SBK1: variants seen among roughly 807,000 people sequenced by gnomAD.
The protein encoded by SBK1 is serine/threonine-protein kinase SBK1.
Under a neutral mutation model 24.4 loss-of-function variants are expected in SBK1, and 11 were observed. That is an observed-to-expected ratio of 0.45 (90% CI 0.28 to 0.75). The LOEUF is 0.75. Among genes scored for constraint, SBK1 ranks in the 30% least tolerant of loss-of-function variants. SBK1 has a pLI of 0.12. For missense variants in SBK1, 467 were observed against 620.5 expected (o/e 0.75, Z 2.63); for synonymous variants, 308 against 284.4 (o/e 1.08, Z -0.83).
Position 28,292,598 on chromosome 16 carries a change from G to C in SBK1, c.-710G>C, listed in dbSNP as rs1266425960. On this transcript the variant is annotated 5_prime_UTR_variant, in exon 1 of 4. Transcript: ENST00000341901. Reference sequence around the variant, plus strand: ...AGCGCCAGGCGGAGCGCGAGCTGGAGCCGCAGCCGGAGCCCGGGCCAGGCC... The same window carrying C: ...AGCGCCAGGCGGAGCGCGAGCTGGACCCGCAGCCGGAGCCCGGGCCAGGCC... 5 of 980,208 alleles carry C rather than the reference G, an allele frequency of 5.1e-6. No individual in the cohort carries two copies. The highest frequency in any genetic ancestry group is 6.0e-6 in the Non-Finnish European group (5 of 827,378). 60.7% of individuals were successfully genotyped at this position (980,208 alleles called of 1,614,324 possible). A position where few individuals can be genotyped will look rare whatever the true frequency, so the allele number is the denominator to read the frequency against.
intron 1 of SBK1, among the ~76,000 whole-genome samples, chr16:28,298,847 C>G (rs954143074): frequency 1.3e-5 from 2 of 152,240 alleles, no homozygotes; most frequent in Non-Finnish European, 2.9e-5. Flanking sequence ...GGGGACCATC[C>G]TCCTCCTTCT....
rs186632740 is a variant in SBK1 at position 28,319,724 on chromosome 16, C to T, written c.430-352C>T. Among the ~76,000 whole-genome samples the T allele has an allele frequency of 6.6e-6, 1 of 152,212 alleles. No individual in the cohort carries two copies. Among genetic ancestry groups the T allele is most frequent in the Non-Finnish European group, 1.5e-5 (1 of 68,010 alleles). On this transcript the variant is annotated intron_variant, in intron 3 of 3. Coordinates refer to ENST00000341901, the MANE Select transcript of SBK1 (RefSeq NM_001024401.3). This position sits in a 1 kb window ranked among gnomAD's most constrained non-coding sequence, Gnocchi z 4.0. The stretch of plus-strand genomic sequence containing the variant: ...ACAGGACGGGAAGCTCAGGGAGCCC[C>T]GTTCTAGTTGGGGAAGACCGACGAG...
intron 1 of SBK1, among the ~76,000 whole-genome samples, chr16:28,309,896 A>T (rs577716990): frequency 2.0e-5 from 3 of 152,260 alleles, no homozygotes; most frequent in South Asian, 2.1e-4. Flanking sequence ...ATGCTTGTGC[A>T]TCCGTGTGTG....
rs1050128177 is a variant in SBK1 at position 28,293,245 on chromosome 16, A to G, written c.-63A>G. 4.1e-6 allele frequency: 4 copies of G among 985,156 alleles called. No homozygotes were observed. In the African/African-American group the frequency reaches 7.0e-5, roughly 17 times the overall value. The allele number at this position is 985,156 out of a possible 1,614,324, so 61.0% of individuals were successfully genotyped here. A position where few individuals can be genotyped will look rare whatever the true frequency, so the allele number is the denominator to read the frequency against. On this transcript the variant is annotated 5_prime_UTR_variant, in exon 1 of 4. Coordinates refer to ENST00000341901, the MANE Select transcript of SBK1 (RefSeq NM_001024401.3). ...CTGAGCCCCCGGGGCCGGGCAGACG[A>G]AGACCGCGACGGCGCCCAGGCCCCC...
At chr16:28,280,149 ATGTGTGTGTG>A (rs71380914) in intron 1 of SBK1, among the ~76,000 whole-genome samples, 6 of 39,418 alleles carry the variant, frequency 1.5e-4, no homozygotes, top group African/African-American at 4.1e-4. Flanking sequence ...ATATATATAT[ATGTGTGTGTG>A]TGTGTGTGTG....
chr16:28,316,427 T>A (rs1281394524), intron 1 of SBK1, among the ~76,000 whole-genome samples: 1 of 152,186 alleles, frequency 6.6e-6, no homozygotes. Context: ...TGCTGTGTCC[T>A]CCAGGCTTTG....
chr16:28,295,395 C>T (rs943344933), intron 1 of SBK1, among the ~76,000 whole-genome samples: 3 of 152,114 alleles, frequency 2.0e-5, no homozygotes, highest in Admixed American at 2.0e-4. Context: ...GCTCCGGAGC[C>T]GTTTTCTGCC....
chr16:28,280,878 T>G lies in SBK1; in HGVS notation c.257+21376T>G, dbSNP rs192692312. On this transcript the variant is annotated intron_variant, in intron 1 of 3. Transcript: ENST00000671413. The stretch of plus-strand genomic sequence containing the variant: ...TGGTGTTTTGCCATGTTGGCCAGAC[T>G]GGTCTCGAACTCCTGACCTCAGGTG... Among the ~76,000 whole-genome samples, 36 of 152,226 alleles carry G rather than the reference T, an allele frequency of 2.4e-4. 1 individual carries two copies. Among genetic ancestry groups the G allele is most frequent in the African/African-American group, 8.7e-4 (36 of 41,530 alleles).
Position 28,320,149 on chromosome 16 carries a change from G to T in SBK1, c.503G>T (p.Arg168Leu). ...CTGGCGCTGGACTTCATGCACGGGCGGCAGCTGGTGCACCGCGACATCAAG... is the reference window on the plus strand; with the variant it reads ...CTGGCGCTGGACTTCATGCACGGGCTGCAGCTGGTGCACCGCGACATCAAG... The part of the protein sequence containing the change: ...LGLALDFMHG[R>L]QLVHRDIKPE... The change falls in exon 4 of 4, where the codon CGG (arginine) becomes CTG (leucine). Residue 168 changes from arginine to leucine, a missense_variant. By Grantham distance (102) the Arg-to-Leu change is moderately radical. This residue lies in a region of SBK1 where 92 missense variants were observed against 193.8 expected (regional missense o/e 0.47). Coordinates refer to ENST00000341901, the MANE Select transcript of SBK1 (RefSeq NM_001024401.3). This position sits in a 1 kb window ranked among gnomAD's most constrained non-coding sequence, Gnocchi z 8.5. 2 of 1,581,180 alleles carry T rather than the reference G, an allele frequency of 1.3e-6. No homozygotes were observed. Among genetic ancestry groups the T allele is most frequent in the Non-Finnish European group, 1.7e-6 (2 of 1,169,042 alleles).
At chr16:28,308,775 GTGTGTT>G (rs1194052083) in intron 1 of SBK1, among the ~76,000 whole-genome samples, 272 of 148,016 alleles carry the variant, frequency 1.8e-3, no homozygotes, top group African/African-American at 5.9e-3. Flanking sequence ...GTGTGTGTGT[GTGTGTT>G]TGTTTTGTTT....
At chr16:28,276,135 C>A (rs1054370932) in intron 1 of SBK1, among the ~76,000 whole-genome samples, 4 of 152,122 alleles carry the variant, frequency 2.6e-5, no homozygotes, top group Non-Finnish European at 4.4e-5. Context: ...CATCTGTTTT[C>A]TCAGCAAAGT....
rs559529711 is a variant in SBK1, at chr16:28,319,980, C to T, written c.430-96C>T. The T allele has an allele frequency of 6.3e-4, 837 of 1,318,162 alleles. No individual in the cohort carries two copies. Among genetic ancestry groups the T allele is most frequent in the Non-Finnish European group, 7.6e-4 (768 of 1,005,614 alleles). 81.7% of individuals were successfully genotyped at this position (1,318,162 alleles called of 1,614,324 possible). ...CAGTTACTGGGGACAGGGTGGGAGG[C>T]GAAAACCGCCTTGCTAGAGAGGGAG... On this transcript the variant is annotated intron_variant, in intron 3 of 3. Transcript: ENST00000341901. This position sits in a 1 kb window ranked among gnomAD's most constrained non-coding sequence, Gnocchi z 4.0.
At chr16:28,263,752 G>A (rs2044411293) in intron 1 of SBK1, among the ~76,000 whole-genome samples, 1 of 152,224 alleles carries the variant, frequency 6.6e-6, no homozygotes, top group African/African-American at 2.4e-5. Flanking sequence ...TGATGGGCCA[G>A]AATGAATAGA....
intron 1 of SBK1, among the ~76,000 whole-genome samples, chr16:28,297,743 A>C (rs2044650753): frequency 6.6e-6 from 1 of 152,202 alleles, no homozygotes; most frequent in Admixed American, 6.5e-5. Context: ...GGCCCTTATT[A>C]AATGGGGCGT....
In SBK1 at chr16:28,320,248, T is replaced by C. The variant is rs1331208078; in HGVS notation, c.602T>C (p.Val201Ala). 6.3e-7 allele frequency: 1 copy of C among 1,591,780 alleles called. No individual in the cohort carries two copies. The highest frequency in any genetic ancestry group is 8.5e-7 in the Non-Finnish European group (1 of 1,174,548). The change falls in exon 4 of 4, where the codon GTG (valine) becomes GCG (alanine). Residue 201 changes from valine (V) to alanine (A), a missense_variant. Physicochemically the swap from Val to Ala is moderately conservative, Grantham distance 64 (BLOSUM62 0). Coordinates refer to ENST00000341901, the MANE Select transcript of SBK1 (RefSeq NM_001024401.3). This position sits in a 1 kb window ranked among gnomAD's most constrained non-coding sequence, Gnocchi z 8.5. ...KLADFGMTRR[V>A]GCRVKRVSGT... is the part of the protein sequence containing the mutation. ...GCCGACTTCGGCATGACGCGCCGCG[T>C]GGGCTGCCGCGTCAAGCGCGTGAGC...
chr16:28,321,110 C>A lies in SBK1; in HGVS notation c.*189C>A. 1 of 477,534 alleles carries A rather than the reference C, an allele frequency of 2.1e-6. No individual in the cohort carries two copies. Among genetic ancestry groups the A allele is most frequent in the Non-Finnish European group, 3.4e-6 (1 of 295,886 alleles). The allele number at this position is 477,534 out of a possible 1,614,324, so 29.6% of individuals were successfully genotyped here. A position where few individuals can be genotyped will look rare whatever the true frequency, so the allele number is the denominator to read the frequency against. ...AGGGGGCCACCAAAGACCCCTAGCG[C>A]GGCCTGGTGAGCGGGGGCTTGGCCC... On this transcript the variant is annotated 3_prime_UTR_variant, in exon 4 of 4. Transcript: ENST00000341901.
At chr16:28,276,011 C>A (rs2044492284) in intron 1 of SBK1, among the ~76,000 whole-genome samples, 1 of 152,124 alleles carries the variant, frequency 6.6e-6, no homozygotes, top group Non-Finnish European at 1.5e-5. Flanking sequence ...GTCCCTGTAG[C>A]CCCTCAGGGG....
At chr16:28,295,432 A>T (rs1043489244) in intron 1 of SBK1, among the ~76,000 whole-genome samples, 2 of 151,878 alleles carry the variant, frequency 1.3e-5, no homozygotes, top group African/African-American at 4.8e-5. Context: ...AGCTGACCTG[A>T]GCTGGCACGT....
chr16:28,300,250 T>G (rs989151147), intron 1 of SBK1, among the ~76,000 whole-genome samples: 1 of 152,250 alleles, frequency 6.6e-6, no homozygotes, highest in African/African-American at 2.4e-5. Flanking sequence ...ATAGATGATC[T>G]CTACGTGACT....
Sources: allele counts gnomAD v4.1 joint callset (sites outside exome capture counted in the v4.1 genomes callset), GRCh38; gene constraint gnomAD v4.1.1; regional missense constraint gnomAD v4.1.1; non-coding constraint Gnocchi (gnomAD v3.1); transcripts MANE v1.5; gene names NCBI Gene and HGNC (gene_info 2026-07-23, HGNC 2026-07-21).